The following PCLO variants were observed in gnomAD, a reference collection of about 807,000 sequenced individuals.
PCLO encodes piccolo presynaptic cytomatrix protein.
A neutral mutation model predicts 427.5 loss-of-function variants in PCLO; 82 were observed. The ratio of observed to expected loss-of-function variants is 0.19; its 90% CI spans 0.16 to 0.23. The LOEUF (loss-of-function observed/expected upper bound fraction) is 0.23. Ranked by LOEUF, PCLO falls within the 10% of genes least tolerant of loss-of-function variation. PCLO has a pLI of 1.00. For missense variants in PCLO, 6,239 were observed against 6,115.9 expected (o/e 1.02, Z -0.67); for synonymous variants, 2,357 against 2,155.4 (o/e 1.09, Z -2.59).
chr7:82,937,453 C>G (rs544061551), intron 6 of PCLO, among the ~76,000 whole-genome samples: 1 of 151,356 alleles, frequency 6.6e-6, no homozygotes, highest in South Asian at 2.1e-4. Context: ...AATAAAAATC[C>G]TCAAATTTCT....
chr7:82,935,054 T>C (rs1794919398), intron 6 of PCLO, among the ~76,000 whole-genome samples: 1 of 151,058 alleles, frequency 6.6e-6, no homozygotes, highest in South Asian at 2.1e-4. Context: ...ATATAAGGGT[T>C]CAAAAATTCA....
chr7:83,089,119 T>C (rs534843928), intron 3 of PCLO, among the ~76,000 whole-genome samples: 2 of 150,424 alleles, frequency 1.3e-5, no homozygotes, highest in South Asian at 4.2e-4. Flanking sequence ...GGTATTCTCA[T>C]TTAGTGTGTA....
rs779745552 is a variant in PCLO, at chr7:82,949,815, T to C, written c.10773A>G (p.Lys3591=). The change falls in exon 6 of 25, where the codon AAA becomes AAG. Residue 3591 remains lysine, a synonymous_variant. Transcript: ENST00000333891. The part of the protein sequence containing the change: ...LSATSPPKDK[K]RPTPLEIGYS... ...AACCAATCTCTAAAGGTGTTGGGCG[T>C]TTCTTGTCTTTGGGTGGAGATGTGG... is the stretch of plus-strand genomic sequence containing the variant. The C allele has an allele frequency of 7.4e-6, 12 of 1,613,534 alleles. No homozygotes were observed. The South Asian group carries it at 1.2e-4, about 16-fold the overall frequency.
chr7:83,094,916 T>C (rs1790493999), intron 3 of PCLO, among the ~76,000 whole-genome samples: 1 of 152,206 alleles, frequency 6.6e-6, no homozygotes, highest in Non-Finnish European at 1.5e-5. Flanking sequence ...AAAATTGGTC[T>C]GTAATTTTCT....
intron 3 of PCLO, among the ~76,000 whole-genome samples, chr7:83,075,263 ATT>A (rs1789922753): frequency 6.6e-6 from 1 of 152,102 alleles, no homozygotes; most frequent in Non-Finnish European, 1.5e-5. Context: ...TCTAAGGACT[ATT>A]TTCTTTTTTA....
At chr7:83,051,436 A>G (rs540124641) in intron 3 of PCLO, among the ~76,000 whole-genome samples, 6 of 152,258 alleles carry the variant, frequency 3.9e-5, no homozygotes, top group East Asian at 1.9e-4. Flanking sequence ...TTTGAAATAA[A>G]GAACTTAATA....
chr7:82,956,625 G>C lies in PCLO; in HGVS notation c.4328C>G (p.Pro1443Arg), dbSNP rs1157086851. ...EKKTQPHEVSPEQPKDQEKTQ... is the reference protein window; with the variant it reads ...EKKTQPHEVSREQPKDQEKTQ... ...TTTCTCTTGGTCTTTAGGCTGTTCA[G>C]GAGAAACTTCATGGGGTTGTGTTTT... The change falls in exon 5 of 25, where the codon CCT (proline) becomes CGT (arginine). Residue 1443 changes from proline (P) to arginine (R), a missense_variant. Pro to Arg is a moderately radical substitution (Grantham distance 103). This residue lies in a region of PCLO where 4,677 missense variants were observed against 4,468.4 expected (regional missense o/e 1.05). Transcript: ENST00000333891. 1.2e-6 allele frequency: 2 copies of C among 1,613,796 alleles called. No homozygotes were observed. Among genetic ancestry groups the C allele is most frequent in the South Asian group, 2.2e-5 (2 of 91,070 alleles).
intron 3 of PCLO, among the ~76,000 whole-genome samples, chr7:82,995,225 A>C (rs574164918): frequency 2.4e-4 from 37 of 152,152 alleles, no homozygotes; most frequent in Non-Finnish European, 1.0e-4. Context: ...TATAGCCTTT[A>C]GAATCTAGGT....
chr7:82,759,155 T>A (rs539644780), intron 24 of PCLO, among the ~76,000 whole-genome samples: 1 of 152,056 alleles, frequency 6.6e-6, no homozygotes, highest in South Asian at 2.1e-4. Context: ...ATATTTAGTA[T>A]GAAATTTTCT....
rs1384844489 is a variant in PCLO, at chr7:82,951,504, C to A, written c.9098-14G>T. 1 of 1,516,882 alleles carries A rather than the reference C, an allele frequency of 6.6e-7. No homozygotes were observed. The highest frequency in any genetic ancestry group is 2.0e-5 in the Admixed American group (1 of 50,810). 94.0% of individuals were successfully genotyped at this position (1,516,882 alleles called of 1,614,324 possible). On this transcript the variant is annotated splice_polypyrimidine_tract_variant and intron_variant, in intron 5 of 24. Transcript: ENST00000333891. ...CCATTACCTCACCTGAAATACAGGGCAGAGTTATAGTCCAGTTCCCAGAAT... is the reference window on the plus strand; with the variant it reads ...CCATTACCTCACCTGAAATACAGGGAAGAGTTATAGTCCAGTTCCCAGAAT...
At chr7:82,876,179 T>C (rs1239225472) in intron 10 of PCLO, among the ~76,000 whole-genome samples, 1 of 152,224 alleles carries the variant, frequency 6.6e-6, no homozygotes, top group East Asian at 1.9e-4. Context: ...AATTTTTCCT[T>C]AGGAAAGAAT....
At chr7:83,078,839 A>G (rs1024726256) in intron 3 of PCLO, among the ~76,000 whole-genome samples, 1 of 152,120 alleles carries the variant, frequency 6.6e-6, no homozygotes, top group African/African-American at 2.4e-5. Context: ...CCTGGCCACT[A>G]GCATTAATTA....
chr7:82,870,262 A>G (rs1156808093), intron 10 of PCLO, among the ~76,000 whole-genome samples: 1 of 152,100 alleles, frequency 6.6e-6, no homozygotes, highest in Non-Finnish European at 1.5e-5. Context: ...ATGGAACAGA[A>G]TACAGAACCC....
At chr7:83,105,268 C>A (rs79109119) in intron 3 of PCLO, among the ~76,000 whole-genome samples, 4,275 of 152,254 alleles carry the variant, frequency 0.028, 72 homozygotes, top group Non-Finnish European at 0.043. Flanking sequence ...GATATCTCTG[C>A]ACATTCTCAA....
chr7:83,055,255 G>A (rs1243157691), intron 3 of PCLO, among the ~76,000 whole-genome samples: 1 of 152,102 alleles, frequency 6.6e-6, no homozygotes, highest in Non-Finnish European at 1.5e-5. Flanking sequence ...AGTAAGAGAG[G>A]ATGGAGAGGA....
At chr7:82,991,074 T>C (rs1796365301) in intron 3 of PCLO, among the ~76,000 whole-genome samples, 1 of 152,194 alleles carries the variant, frequency 6.6e-6, no homozygotes, top group Admixed American at 6.6e-5. Flanking sequence ...AAGAATGTTA[T>C]TCATAAAAAT....
chr7:82,977,380 T>TTTA (rs1796042353), intron 3 of PCLO, among the ~76,000 whole-genome samples: 9 of 132,730 alleles, frequency 6.8e-5, no homozygotes, highest in East Asian at 6.7e-4. Flanking sequence ...AATTCATCTT[T>TTTA]TTTATTTATT....
intron 3 of PCLO, among the ~76,000 whole-genome samples, chr7:83,026,908 C>A (rs1266049208): frequency 7.0e-6 from 1 of 143,028 alleles, no homozygotes; most frequent in Non-Finnish European, 1.5e-5. Flanking sequence ...TGAAACCAAC[C>A]AGAACAAAGA....
chr7:83,084,187 G>A (rs144878394), intron 3 of PCLO, among the ~76,000 whole-genome samples: 3 of 152,100 alleles, frequency 2.0e-5, no homozygotes, highest in Non-Finnish European at 2.9e-5. Context: ...TGATACCATA[G>A]TAACTTTTAT....
Sources: allele counts gnomAD v4.1 joint callset (sites outside exome capture counted in the v4.1 genomes callset), GRCh38; gene constraint gnomAD v4.1.1; regional missense constraint gnomAD v4.1.1; transcripts MANE v1.5; gene names NCBI Gene and HGNC (gene_info 2026-07-23, HGNC 2026-07-21).